The following FBXL14 variants were observed in gnomAD, a reference collection of about 807,000 sequenced individuals.
The protein encoded by FBXL14 is F-box/LRR-repeat protein 14.
FBXL14 carries 11 observed loss-of-function variants against 24.5 expected under a neutral mutation model. The ratio of observed to expected loss-of-function variants is 0.45; its 90% CI spans 0.28 to 0.74. FBXL14 has a LOEUF of 0.74. FBXL14 is among the 30% of genes least tolerant of loss of function. The pLI, the probability that FBXL14 is intolerant of heterozygous loss-of-function variation, is 0.12. For missense variants in FBXL14, 384 were observed against 545.6 expected (o/e 0.70, Z 2.95); for synonymous variants, 294 against 240.4 (o/e 1.22, Z -2.06).
intron 1 of FBXL14, among the ~76,000 whole-genome samples, chr12:1,581,699 C>T (rs933002220): frequency 6.6e-6 from 1 of 152,206 alleles, no homozygotes; most frequent in African/African-American, 2.4e-5. Context: ...GCTTGCAGTG[C>T]TGCCACCTCA....
At chr12:1,578,903 C>T (rs548177846) in intron 1 of FBXL14, among the ~76,000 whole-genome samples, 1 of 152,164 alleles carries the variant, frequency 6.6e-6, no homozygotes, top group Non-Finnish European at 1.5e-5. Context: ...CTTTGTTGCT[C>T]GTGACTATCC....
intron 1 of FBXL14, among the ~76,000 whole-genome samples, chr12:1,585,982 A>C (rs768863107): frequency 2.0e-5 from 3 of 152,234 alleles, no homozygotes; most frequent in Non-Finnish European, 4.4e-5. Context: ...GCAACAAAGC[A>C]GTGTTTTGGA....
In FBXL14 at chr12:1,567,805, G is replaced by A. The variant is rs938594584; in HGVS notation, c.1195-995C>T. 6.6e-6 allele frequency among the ~76,000 whole-genome samples: 1 copy of A among 152,256 alleles called. No homozygotes were observed. Among genetic ancestry groups the A allele is most frequent in the African/African-American group, 2.4e-5 (1 of 41,466 alleles). ...GATTTGTGGACTGGACACAGCTGAG[G>A]AGAGGATCTCTGAGCATAAGGTTAT... On this transcript the variant is annotated intron_variant, in intron 1 of 1. Coordinates refer to ENST00000339235, the MANE Select transcript of FBXL14 (RefSeq NM_152441.3). This position sits in a 1 kb window ranked among gnomAD's most constrained non-coding sequence, Gnocchi z 4.8.
intron 1 of FBXL14, 90 bp from the exon 2 acceptor site, chr12:1,566,900 G>A (rs541621437): frequency 3.6e-4 from 260 of 716,176 alleles, no homozygotes; most frequent in African/African-American, 2.1e-3. Flanking sequence ...ACCCCACCGC[G>A]GCTTTATCAG....
chr12:1,594,198 CGGCCCCTCCCCGCCTTCCGGCTCCG>C lies in FBXL14; in HGVS notation c.-157_-133del. On this transcript the variant is annotated 5_prime_UTR_variant, in exon 1 of 2. Transcript: ENST00000339235. Reference sequence around the variant, plus strand: ...CCGCCGCCGCCTCGGGCCCAACGGCCGGCCCCTCCCCGCCTTCCGGCTCCGGCCGCCGCCGCCGCTCCTCCTCCTG... The same window carrying C: ...CCGCCGCCGCCTCGGGCCCAACGGCCGCCGCCGCCGCCGCTCCTCCTCCTG... 7.4e-6 allele frequency: 4 copies of C among 544,168 alleles called. No homozygotes were observed. Among genetic ancestry groups the C allele is most frequent in the Non-Finnish European group, 7.5e-6 (3 of 400,090 alleles). The allele number at this position is 544,168 out of a possible 1,614,324, so 33.7% of individuals were successfully genotyped here.
chr12:1,575,898 A>G (rs1189032849), intron 1 of FBXL14, among the ~76,000 whole-genome samples: 1 of 152,126 alleles, frequency 6.6e-6, no homozygotes, highest in Non-Finnish European at 1.5e-5. Context: ...CAGGATCTTC[A>G]GTAGAAAGGT....
chr12:1,590,676 G>A (rs1343774300), intron 1 of FBXL14, among the ~76,000 whole-genome samples: 1 of 152,230 alleles, frequency 6.6e-6, no homozygotes, highest in Non-Finnish European at 1.5e-5. Context: ...GCTATTGGAA[G>A]TGCTAAAATG....
intron 1 of FBXL14, among the ~76,000 whole-genome samples, chr12:1,572,676 C>T (rs74058771): frequency 3.3e-5 from 5 of 152,114 alleles, no homozygotes; most frequent in African/African-American, 7.2e-5. Context: ...TCGAGGATCC[C>T]GGACAGCGTG....
Position 1,594,515 on chromosome 12 carries a change from G to T in FBXL14, c.-449C>A, listed in dbSNP as rs1050009513. Among the ~76,000 whole-genome samples, 10 of 147,436 alleles carry T rather than the reference G, an allele frequency of 6.8e-5. No individual in the cohort carries two copies. Among genetic ancestry groups the T allele is most frequent in the Non-Finnish European group, 1.5e-4 (10 of 66,114 alleles). On this transcript the variant is annotated 5_prime_UTR_variant, in exon 1 of 2. Coordinates refer to ENST00000339235, the MANE Select transcript of FBXL14 (RefSeq NM_152441.3). ...CCGGCGGGCGGCGAGGGGGCCCCGG[G>T]GGCCGGGCGCACGGGCTCCGGGCGC...
chr12:1,581,119 CT>C (rs1372675296), intron 1 of FBXL14, among the ~76,000 whole-genome samples: 1 of 152,144 alleles, frequency 6.6e-6, no homozygotes, highest in Non-Finnish European at 1.5e-5. Context: ...CACTCGACCC[CT>C]CTCGACAGTC....
chr12:1,590,154 T>C lies in FBXL14; in HGVS notation c.1194+2719A>G, dbSNP rs574959127. ...AATAGGCTTCACACTTTTTTTTTTT[T>C]CCAGGCATTAAGCACTGTAACCTAA... is the stretch of plus-strand genomic sequence containing the variant. On this transcript the variant is annotated intron_variant, in intron 1 of 1. Transcript: ENST00000339235. 5.0e-4 allele frequency among the ~76,000 whole-genome samples: 76 copies of C among 151,728 alleles called. 2 individuals are homozygous for C. The South Asian group carries it at 0.014, about 28-fold the overall frequency.
chr12:1,576,793 G>A (rs1043582362), intron 1 of FBXL14, among the ~76,000 whole-genome samples: 46 of 152,248 alleles, frequency 3.0e-4, no homozygotes, highest in African/African-American at 1.1e-3. Context: ...CGGGGGACTC[G>A]GCCTGTAAAA....
At chr12:1,587,232 C>T (rs1228233602) in intron 1 of FBXL14, 7 of 128,498 alleles carry the variant, frequency 5.4e-5, no homozygotes, top group Admixed American at 2.4e-4. Context: ...AGTGAAACTC[C>T]GTCTCCGTCT....
rs766118454 is a variant in FBXL14, at chr12:1,593,398, G to C, written c.669C>G (p.Ile223Met). 1 of 1,614,058 alleles carries C rather than the reference G, an allele frequency of 6.2e-7. No homozygotes were observed. The change falls in exon 1 of 2, where the codon ATC (isoleucine) becomes ATG (methionine). Residue 223 changes from isoleucine to methionine, a missense_variant. Coordinates refer to ENST00000339235, the MANE Select transcript of FBXL14 (RefSeq NM_152441.3). The surrounding 1 kb of genome is among the most constrained non-coding windows in gnomAD (Gnocchi z 7.4). ...GCCTCAGGCCCGTCAGCCCTCGGGA[G>C]ATGTGCTTTAGAGAAAGATCTGTGA... ...QKLTDLSLKH[I>M]SRGLTGLRLL...
upstream of FBXL14, among the ~76,000 whole-genome samples, chr12:1,594,646 C>T (rs1283935012): frequency 6.7e-6 from 1 of 149,062 alleles, no homozygotes; most frequent in African/African-American, 2.4e-5. Context: ...AGGCCAATCC[C>T]GGCCGGCGGC....
At chr12:1,582,326 G>GC (rs1307644006) in intron 1 of FBXL14, among the ~76,000 whole-genome samples, 48 of 152,184 alleles carry the variant, frequency 3.2e-4, no homozygotes, top group Non-Finnish European at 5.1e-4. Flanking sequence ...AGCCCTCCCA[G>GC]TTCTTCCGAG....
chr12:1,566,857 A>G (rs1307140110), intron 1 of FBXL14, 47 bp from the exon 2 acceptor site: 1 of 778,286 alleles, frequency 1.3e-6, no homozygotes, highest in African/African-American at 1.7e-5. Flanking sequence ...AGACTGCCGC[A>G]CTCTGCTCTT....
Position 1,579,621 on chromosome 12 carries a change from A to G in FBXL14, c.1195-12811T>C, listed in dbSNP as rs550033189. ...GGGTGAGACTCCATTTAAAAAAAAA[A>G]AAAAATGTAGTTATCAATTTTTTGT... is the stretch of plus-strand genomic sequence containing the variant. On this transcript the variant is annotated intron_variant, in intron 1 of 1. Coordinates refer to ENST00000339235, the MANE Select transcript of FBXL14 (RefSeq NM_152441.3). This position sits in a 1 kb window ranked among gnomAD's most constrained non-coding sequence, Gnocchi z 4.3. 1.1e-3 allele frequency among the ~76,000 whole-genome samples: 175 copies of G among 152,222 alleles called. No homozygotes were observed. Among genetic ancestry groups the G allele is most frequent in the African/African-American group, 4.1e-3 (172 of 41,552 alleles).
Position 1,594,108 on chromosome 12 carries a change from G to A in FBXL14, c.-42C>T. 1.5e-6 allele frequency: 2 copies of A among 1,329,360 alleles called. No homozygotes were observed. Among genetic ancestry groups the A allele is most frequent in the Non-Finnish European group, 1.9e-6 (2 of 1,044,284 alleles). 82.3% of individuals were successfully genotyped at this position (1,329,360 alleles called of 1,614,324 possible). A position where few individuals can be genotyped will look rare whatever the true frequency, so the allele number is the denominator to read the frequency against. On this transcript the variant is annotated 5_prime_UTR_variant, in exon 1 of 2. Transcript: ENST00000339235. ...CCGCGGCGCTGGGGGGAGGAGGCGC[G>A]GGCCCCGCCGCTCCGGCCTCGGGCA...
Sources: allele counts gnomAD v4.1 joint callset (sites outside exome capture counted in the v4.1 genomes callset), GRCh38; gene constraint gnomAD v4.1.1; non-coding constraint Gnocchi (gnomAD v3.1); transcripts MANE v1.5; gene names NCBI Gene and HGNC (gene_info 2026-07-23, HGNC 2026-07-21).